The following ADIPOR2 variants were observed in gnomAD, a reference collection of about 807,000 sequenced individuals.
ADIPOR2 encodes adiponectin receptor protein 2.
Under a neutral mutation model 40.9 loss-of-function variants are expected in ADIPOR2, and 18 were observed. That is an observed-to-expected ratio of 0.44 (90% CI 0.30 to 0.65). The LOEUF is 0.65. Ranked by LOEUF, ADIPOR2 falls within the 30% of genes least tolerant of loss-of-function variation. The pLI is 0.09. For synonymous variants in ADIPOR2, 165 were observed against 166.4 expected (o/e 0.99, Z 0.06); for missense variants, 283 against 479.2 (o/e 0.59, Z 3.82).
intron 1 of ADIPOR2, among the ~76,000 whole-genome samples, chr12:1,719,516 T>C (rs920977116): frequency 6.6e-6 from 1 of 152,214 alleles, no homozygotes; most frequent in African/African-American, 2.4e-5. Flanking sequence ...CTAGCTGTTT[T>C]GTCATCTGCC....
At chr12:1,700,469 C>T (rs560522015) in intron 1 of ADIPOR2, among the ~76,000 whole-genome samples, 1 of 152,134 alleles carries the variant, frequency 6.6e-6, no homozygotes, top group Non-Finnish European at 1.5e-5. Flanking sequence ...TATCCTATTT[C>T]TTCCAGAAAG....
intron 2 of ADIPOR2, among the ~76,000 whole-genome samples, chr12:1,754,753 A>G (rs1225778780): frequency 7.1e-6 from 1 of 139,862 alleles, no homozygotes; most frequent in Non-Finnish European, 1.6e-5. Flanking sequence ...ACTACTATTG[A>G]GACGGAGTCT....
At chr12:1,696,365 C>T (rs1239482881) in intron 1 of ADIPOR2, 2 of 156,428 alleles carry the variant, frequency 1.3e-5, no homozygotes, top group African/African-American at 4.8e-5. Flanking sequence ...CATTTTCAGC[C>T]TTCTCTTTTT....
chr12:1,749,323 A>C lies in ADIPOR2; in HGVS notation c.-86-4935A>C, dbSNP rs540034049. Among the ~76,000 whole-genome samples, 35 of 152,292 alleles carry C rather than the reference A, an allele frequency of 2.3e-4. No homozygotes were observed. The South Asian group carries it at 7.1e-3, about 31-fold the overall frequency. On this transcript the variant is annotated intron_variant, in intron 1 of 7. Coordinates refer to ENST00000357103, the MANE Select transcript of ADIPOR2 (RefSeq NM_024551.3). ...CCCAAGGGCATAGATGGGACCCTACATGAGAGAGTCTTAAGACCCGCAATC... is the reference window on the plus strand; with the variant it reads ...CCCAAGGGCATAGATGGGACCCTACCTGAGAGAGTCTTAAGACCCGCAATC...
chr12:1,761,690 C>A (rs888190213), intron 2 of ADIPOR2, among the ~76,000 whole-genome samples: 1 of 152,168 alleles, frequency 6.6e-6, no homozygotes, highest in Non-Finnish European at 1.5e-5. Context: ...TAAATTCAAA[C>A]TTACTATAAA....
chr12:1,723,071 C>T (rs2094700931), intron 1 of ADIPOR2, among the ~76,000 whole-genome samples: 1 of 152,136 alleles, frequency 6.6e-6, no homozygotes. Flanking sequence ...ATTATGTCTT[C>T]TTTGTGCATG....
chr12:1,695,753 C>T (rs1315250774), intron 1 of ADIPOR2: 7 of 150,850 alleles, frequency 4.6e-5, no homozygotes, highest in Admixed American at 1.3e-4. Flanking sequence ...TTTGGACTTT[C>T]TAATGTAAAC....
chr12:1,757,276 A>C, intron 2 of ADIPOR2: 1 of 604,150 alleles, frequency 1.7e-6, no homozygotes, highest in Non-Finnish European at 3.0e-6. Flanking sequence ...CTTTCTTTTC[A>C]GCAATGGTGA....
intron 1 of ADIPOR2, among the ~76,000 whole-genome samples, chr12:1,704,983 C>G (rs1668062963): frequency 6.6e-6 from 1 of 152,062 alleles, no homozygotes; most frequent in Admixed American, 6.6e-5. Flanking sequence ...TAACCACTTC[C>G]TTGAATTTTC....
chr12:1,724,066 C>T (rs1250587080), intron 1 of ADIPOR2, among the ~76,000 whole-genome samples: 3 of 151,976 alleles, frequency 2.0e-5, no homozygotes, highest in South Asian at 4.1e-4. Flanking sequence ...ACCGCAACCT[C>T]TGCCTCCCGG....
chr12:1,757,278 C>T (rs1382437361), intron 2 of ADIPOR2: 7 of 606,990 alleles, frequency 1.2e-5, no homozygotes, highest in African/African-American at 1.8e-5. Flanking sequence ...TTCTTTTCAG[C>T]AATGGTGAGG....
intron 1 of ADIPOR2, among the ~76,000 whole-genome samples, chr12:1,748,309 C>T (rs555237274): frequency 3.0e-4 from 45 of 152,170 alleles, no homozygotes; most frequent in Middle Eastern, 3.4e-3. Flanking sequence ...AGTGCAGTGG[C>T]GCGATCTCGG....
At chr12:1,767,535 T>G (rs1396667054) in intron 2 of ADIPOR2, among the ~76,000 whole-genome samples, 1 of 152,128 alleles carries the variant, frequency 6.6e-6, no homozygotes, top group Non-Finnish European at 1.5e-5. Flanking sequence ...TTGTTTTCAT[T>G]TGTTAGTAAT....
intron 3 of ADIPOR2, among the ~76,000 whole-genome samples, chr12:1,776,195 CA>C (rs1171380981): frequency 3.3e-5 from 5 of 152,158 alleles, no homozygotes; most frequent in Admixed American, 6.5e-5. Context: ...AGATGTTACA[CA>C]GAGGATTAGT....
intron 1 of ADIPOR2, among the ~76,000 whole-genome samples, chr12:1,706,731 A>G (rs1009323703): frequency 6.6e-6 from 1 of 152,130 alleles, no homozygotes; most frequent in Non-Finnish European, 1.5e-5. Flanking sequence ...GTTATCTCCA[A>G]AACCTTCCTC....
chr12:1,774,175 C>T (rs1408642902), intron 3 of ADIPOR2, among the ~76,000 whole-genome samples: 1 of 152,162 alleles, frequency 6.6e-6, no homozygotes, highest in Admixed American at 6.5e-5. Context: ...AATTTAGTAT[C>T]TGGGCCATTA....
chr12:1,704,360 A>G (rs2094657679), intron 1 of ADIPOR2, among the ~76,000 whole-genome samples: 1 of 152,116 alleles, frequency 6.6e-6, no homozygotes, highest in Non-Finnish European at 1.5e-5. Flanking sequence ...GGTCTCACTC[A>G]CATGTCATTT....
rs375265641 is a variant in ADIPOR2 at position 1,783,801 on chromosome 12, A to AAC, written c.839-79_839-78insAC. 1.3e-4 allele frequency: 151 copies of AAC among 1,167,508 alleles called. No individual in the cohort carries two copies. The African/African-American group carries it at 2.2e-3, about 17-fold the overall frequency. 72.3% of individuals were successfully genotyped at this position (1,167,508 alleles called of 1,614,324 possible). ...TTGAAATATTCAGTTTACAGAGTTA[A>AAC]TGGTGCTGTGCTGTAATACTGACTT... On this transcript the variant is annotated intron_variant, in intron 6 of 7. Transcript: ENST00000357103.
At chr12:1,704,415 C>G (rs2094657802) in intron 1 of ADIPOR2, among the ~76,000 whole-genome samples, 1 of 152,288 alleles carries the variant, frequency 6.6e-6, no homozygotes, top group South Asian at 2.1e-4. Flanking sequence ...TCTTTCTTCT[C>G]TAATAAACTT....
Sources: gnomAD v4.1 joint callset for allele counts (sites outside exome capture counted in the v4.1 genomes callset) on GRCh38, gnomAD v4.1.1 for gene constraint, MANE v1.5 for transcripts, NCBI Gene and HGNC (gene_info 2026-07-23, HGNC 2026-07-21) for gene names.